Variants in EFCAB6 observed in about 807,000 individuals in gnomAD.
EFCAB6 encodes the protein EF-hand calcium-binding domain-containing protein 6.
In EFCAB6, 156 loss-of-function variants were observed where a neutral mutation model predicts 169.8. The observed-to-expected ratio is 0.92, with a 90% CI of 0.81 to 1.05. The LOEUF is 1.05. EFCAB6 is among the 50% of genes least tolerant of loss of function. The pLI is 0.00. For synonymous variants in EFCAB6, 698 were observed against 676.4 expected (o/e 1.03, Z -0.50); for missense variants, 1,800 against 1,829.1 (o/e 0.98, Z 0.29).
At chr22:43,590,718 C>T (rs554162745) in intron 23 of EFCAB6, among the ~76,000 whole-genome samples, 3 of 137,042 alleles carry the variant, frequency 2.2e-5, no homozygotes, top group South Asian at 2.4e-4. Context: ...AGGTACAGCA[C>T]GGTGGGACAG....
chr22:43,707,973 T>C (rs868550703), intron 10 of EFCAB6, among the ~76,000 whole-genome samples: 3 of 151,770 alleles, frequency 2.0e-5, no homozygotes, highest in African/African-American at 4.8e-5. Context: ...TACTGATTTT[T>C]AGACTTTATA....
intron 2 of EFCAB6, among the ~76,000 whole-genome samples, chr22:43,783,497 GC>G (rs1036173464): frequency 7.2e-5 from 11 of 152,148 alleles, no homozygotes; most frequent in Non-Finnish European, 1.3e-4. Flanking sequence ...AAACTGCCTA[GC>G]TAAGTGTTGA....
intron 5 of EFCAB6, among the ~76,000 whole-genome samples, chr22:43,764,243 C>T (rs2061255405): frequency 6.6e-6 from 1 of 152,006 alleles, no homozygotes; most frequent in African/African-American, 2.4e-5. Flanking sequence ...TCTGCTGTTC[C>T]CATCTTTATG....
At chr22:43,544,117 C>T (rs982527266) in intron 27 of EFCAB6, among the ~76,000 whole-genome samples, 1 of 152,028 alleles carries the variant, frequency 6.6e-6, no homozygotes, top group African/African-American at 2.4e-5. Context: ...TGGGGAAGCT[C>T]CTGCTGTAAC....
At chr22:43,625,552 C>T (rs549681882) in intron 20 of EFCAB6, among the ~76,000 whole-genome samples, 6 of 152,228 alleles carry the variant, frequency 3.9e-5, no homozygotes, top group African/African-American at 7.2e-5. Context: ...AAGGAGTGTA[C>T]GTGCTCCCTG....
At chr22:43,568,363 T>G (rs994076797) in intron 26 of EFCAB6, among the ~76,000 whole-genome samples, 4 of 152,216 alleles carry the variant, frequency 2.6e-5, no homozygotes, top group Non-Finnish European at 5.9e-5. Context: ...GACAATACGT[T>G]CTTGGATTGG....
At chr22:43,695,749 G>C (rs2058553349) in intron 10 of EFCAB6, among the ~76,000 whole-genome samples, 1 of 152,026 alleles carries the variant, frequency 6.6e-6, no homozygotes, top group Admixed American at 6.6e-5. Context: ...TCAACAAATG[G>C]TGCTGGAACA....
chr22:43,541,411 C>T (rs549048989), intron 27 of EFCAB6, among the ~76,000 whole-genome samples: 37 of 152,296 alleles, frequency 2.4e-4, no homozygotes, highest in Middle Eastern at 3.4e-3. Flanking sequence ...TAACTATAGA[C>T]TTGCAGGAGG....
intron 26 of EFCAB6, among the ~76,000 whole-genome samples, chr22:43,556,778 C>T (rs2048731471): frequency 2.0e-5 from 3 of 152,224 alleles, no homozygotes; most frequent in African/African-American, 7.2e-5. Context: ...CCCACCACAT[C>T]CTCCACCATG....
intron 2 of EFCAB6, among the ~76,000 whole-genome samples, chr22:43,804,344 A>C (rs1044483911): frequency 6.6e-6 from 1 of 152,218 alleles, no homozygotes; most frequent in Admixed American, 6.5e-5. Context: ...GGAAGTTTAT[A>C]ATAATAAATG....
intron 2 of EFCAB6, among the ~76,000 whole-genome samples, chr22:43,783,573 G>A (rs1040079084): frequency 5.9e-5 from 9 of 152,144 alleles, no homozygotes; most frequent in East Asian, 1.9e-4. Flanking sequence ...AGGCATTTAC[G>A]GAAATTTCTA....
chr22:43,682,632 C>A (rs1451986625), intron 12 of EFCAB6, among the ~76,000 whole-genome samples: 1 of 152,154 alleles, frequency 6.6e-6, no homozygotes, highest in Non-Finnish European at 1.5e-5. Context: ...TCCAAAACCA[C>A]TATCTGGGTA....
intron 10 of EFCAB6, among the ~76,000 whole-genome samples, chr22:43,699,870 T>C (rs1334627437): frequency 6.6e-6 from 1 of 152,242 alleles, no homozygotes; most frequent in Non-Finnish European, 1.5e-5. Context: ...CTACTATTGT[T>C]ACCAGCGTGA....
Position 43,632,251 on chromosome 22 carries a change from C to CA in EFCAB6, c.2099-14dup, listed in dbSNP as rs1434816577. On this transcript the variant is annotated splice_polypyrimidine_tract_variant and intron_variant, in intron 18 of 31. Coordinates refer to ENST00000262726, the MANE Select transcript of EFCAB6 (RefSeq NM_022785.4). Reference sequence around the variant, plus strand: ...CTCATTGGAGGATCTGGAACAATTACAAAGATCGGGGTTTCCATTAGTGCC... The same window carrying CA: ...CTCATTGGAGGATCTGGAACAATTACAAAAGATCGGGGTTTCCATTAGTGCC... 3.8e-6 allele frequency: 6 copies of CA among 1,577,964 alleles called. No individual in the cohort carries two copies. Among genetic ancestry groups the CA allele is most frequent in the Non-Finnish European group, 5.2e-6 (6 of 1,157,142 alleles).
chr22:43,705,511 A>G (rs967744852), intron 10 of EFCAB6, among the ~76,000 whole-genome samples: 22 of 152,322 alleles, frequency 1.4e-4, no homozygotes, highest in African/African-American at 5.1e-4. Context: ...GAAGACTGAA[A>G]TCATACCACG....
chr22:43,549,761 A>AT (rs375954797), intron 27 of EFCAB6, among the ~76,000 whole-genome samples: 335 of 152,370 alleles, frequency 2.2e-3, no homozygotes, highest in African/African-American at 7.1e-3. Context: ...AAATTATACA[A>AT]TAAAAACTTG....
intron 6 of EFCAB6, among the ~76,000 whole-genome samples, chr22:43,738,626 CATAT>C (rs1204306994): frequency 6.6e-6 from 1 of 151,964 alleles, no homozygotes; most frequent in Admixed American, 6.6e-5. Context: ...CATTCTCTTG[CATAT>C]ATATTCACAC....
intron 1 of EFCAB6, among the ~76,000 whole-genome samples, chr22:43,810,420 G>A (rs2063072663): frequency 1.3e-5 from 2 of 152,164 alleles, no homozygotes; most frequent in South Asian, 2.1e-4. Flanking sequence ...AGAAAATGAA[G>A]CTTTTAATAC....
chr22:43,666,277 C>A (rs553652679), intron 17 of EFCAB6, among the ~76,000 whole-genome samples: 9 of 152,308 alleles, frequency 5.9e-5, no homozygotes, highest in Non-Finnish European at 1.3e-4. Context: ...AATCCCATTT[C>A]TGTGCCTCTA....
Sources: allele counts gnomAD v4.1 joint callset (sites outside exome capture counted in the v4.1 genomes callset), GRCh38; gene constraint gnomAD v4.1.1; transcripts MANE v1.5; gene names NCBI Gene and HGNC (gene_info 2026-07-23, HGNC 2026-07-21).